The following KANTR variants were observed in gnomAD, a reference collection of about 807,000 sequenced individuals.
KANTR encodes the protein KDM5C adjacent transcript.
chrX:53,121,080 C>A (rs782284656), intron 2 of KANTR, among the ~76,000 whole-genome samples: 1 of 110,788 alleles, frequency 9.0e-6, no homozygotes, highest in African/African-American at 3.3e-5. Flanking sequence ...CTCACTGCCA[C>A]CCCCACCTCC....
intron 2 of KANTR, among the ~76,000 whole-genome samples, chrX:53,119,147 A>T (rs782459211): frequency 9.5e-6 from 1 of 105,815 alleles, no homozygotes. Context: ...CCCTGGGCTC[A>T]GGTGATCCTC....
downstream of KANTR, among the ~76,000 whole-genome samples, chrX:53,146,813 C>T (rs1194683330): frequency 8.9e-6 from 1 of 111,900 alleles, no homozygotes; most frequent in East Asian, 2.8e-4. Context: ...TGGGGGCCAA[C>T]ATTCAACATT....
chrX:53,126,650 T>A (rs1017712473), exon 3 of KANTR: 4 of 112,322 alleles, frequency 3.6e-5, no homozygotes, highest in Middle Eastern at 9.2e-3. Context: ...ATAATTTTTG[T>A]TCAACCAGTA....
downstream of KANTR, among the ~76,000 whole-genome samples, chrX:53,127,826 A>G (rs1556816370): frequency 9.0e-6 from 1 of 110,975 alleles, no homozygotes. Flanking sequence ...ACGGTGAGGA[A>G]CTGTTTCCTG....
At chrX:53,139,215 C>A (rs1374546532) in intron 2 of KANTR, among the ~76,000 whole-genome samples, 1 of 45,048 alleles carries the variant, frequency 2.2e-5, no homozygotes, top group Admixed American at 3.5e-4. Context: ...AGCGAGACTC[C>A]GTCTCAAAAA....
At chrX:53,103,419 G>T (rs1165148500) in intron 2 of KANTR, among the ~76,000 whole-genome samples, 1 of 110,951 alleles carries the variant, frequency 9.0e-6, no homozygotes, top group Non-Finnish European at 1.9e-5. Context: ...ATCCCACTGG[G>T]ACTGAACATT....
At chrX:53,108,747 C>A (rs1373156802) in intron 2 of KANTR, among the ~76,000 whole-genome samples, 1 of 109,421 alleles carries the variant, frequency 9.1e-6, no homozygotes, top group Non-Finnish European at 1.9e-5. Flanking sequence ...GTAACCCAGG[C>A]TGCAGCGCAG....
downstream of KANTR, among the ~76,000 whole-genome samples, chrX:53,131,059 C>G (rs781924626): frequency 1.7e-4 from 19 of 111,446 alleles, no homozygotes; most frequent in African/African-American, 5.5e-4. Flanking sequence ...GAAGATGGCT[C>G]TTCAGGTTGG....
intron 1 of KANTR, among the ~76,000 whole-genome samples, chrX:53,098,050 CAA>C (rs782145330): frequency 2.0e-4 from 9 of 44,267 alleles, no homozygotes; most frequent in African/African-American, 6.9e-4. Flanking sequence ...GACTCTGTCT[CAA>C]AAAAAAAAAA....
At chrX:53,122,596 G>A (rs941168280) in intron 2 of KANTR, among the ~76,000 whole-genome samples, 2 of 111,269 alleles carry the variant, frequency 1.8e-5, no homozygotes, top group Non-Finnish European at 3.8e-5. Flanking sequence ...ATCAGGTTAA[G>A]CAAGTTCCAT....
intron 2 of KANTR, among the ~76,000 whole-genome samples, chrX:53,115,878 G>A (rs895391541): frequency 7.1e-5 from 8 of 111,941 alleles, no homozygotes; most frequent in Admixed American, 3.8e-4. Context: ...AAGTATTTTC[G>A]TGTATGGATT....
At chrX:53,126,668 T>C (rs1269832107) in exon 3 of KANTR, 1 of 112,242 alleles carries the variant, frequency 8.9e-6, no homozygotes, top group Non-Finnish European at 1.9e-5. Flanking sequence ...GTAGTCACTG[T>C]TTGCATGAGT....
downstream of KANTR, among the ~76,000 whole-genome samples, chrX:53,131,903 C>CTAGA (rs1933364701): frequency 8.9e-6 from 1 of 112,337 alleles, no homozygotes; most frequent in South Asian, 3.7e-4. Context: ...TAAAACCCTA[C>CTAGA]TAGAACTAAT....
At chrX:53,141,460 C>T (rs1202356910) in intron 2 of KANTR, among the ~76,000 whole-genome samples, 1 of 112,010 alleles carries the variant, frequency 8.9e-6, no homozygotes, top group Non-Finnish European at 1.9e-5. Context: ...TTTCTGGTAA[C>T]ATGGAAGCTA....
At chrX:53,131,462 T>C (rs1397799829), downstream of KANTR, among the ~76,000 whole-genome samples, 1 of 112,121 alleles carries the variant, frequency 8.9e-6, no homozygotes, top group Non-Finnish European at 1.9e-5. Flanking sequence ...TGGCTTGGCA[T>C]TAGAAAATCA....
intron 1 of KANTR, among the ~76,000 whole-genome samples, chrX:53,098,865 A>C (rs1372372424): frequency 9.1e-6 from 1 of 110,441 alleles, no homozygotes; most frequent in East Asian, 2.8e-4. Flanking sequence ...AGCTGGGACT[A>C]TAGGTGCATG....
chrX:53,105,213 G>A (rs1490885329), intron 2 of KANTR, among the ~76,000 whole-genome samples: 2 of 111,493 alleles, frequency 1.8e-5, no homozygotes, highest in Admixed American at 1.9e-4. Context: ...CAAACTGTTT[G>A]CAAAAGTGGC....
chrX:53,107,349 C>A (rs1483023801), intron 2 of KANTR, among the ~76,000 whole-genome samples: 1 of 61,379 alleles, frequency 1.6e-5, no homozygotes, highest in Admixed American at 2.9e-4. Flanking sequence ...TGCTTTGTAG[C>A]CCAGGCTGAT....
intron 2 of KANTR, among the ~76,000 whole-genome samples, chrX:53,108,061 T>G (rs1932976311): frequency 9.1e-6 from 1 of 109,902 alleles, no homozygotes; most frequent in Admixed American, 9.8e-5. Flanking sequence ...AGCTAATTTT[T>G]TGTATTTTTA....
Sources: gnomAD v4.1 joint callset for allele counts (sites outside exome capture counted in the v4.1 genomes callset) on GRCh38, gnomAD v4.1.1 for gene constraint, MANE v1.5 for transcripts, NCBI Gene and HGNC (gene_info 2026-07-23, HGNC 2026-07-21) for gene names.